PCNX2: variants seen among roughly 807,000 people sequenced by gnomAD.
PCNX2 encodes the protein pecanex-like protein 2.
A neutral mutation model predicts 223.8 loss-of-function variants in PCNX2; 168 were observed. That is an observed-to-expected ratio of 0.75 (90% CI 0.66 to 0.85). The LOEUF is 0.85. Ranked by LOEUF, PCNX2 falls within the 40% of genes least tolerant of loss-of-function variation. The probability of loss-of-function intolerance (pLI) is 0.00; values close to 1 mark genes in which losing one functional copy is unlikely to be tolerated. For synonymous variants in PCNX2, 1,006 were observed against 1,052.6 expected (o/e 0.96, Z 0.86); for missense variants, 2,507 against 2,675.5 (o/e 0.94, Z 1.39).
intron 15 of PCNX2, among the ~76,000 whole-genome samples, chr1:233,189,463 C>A (rs1023388387): frequency 3.9e-5 from 6 of 152,030 alleles, no homozygotes; most frequent in Non-Finnish European, 8.8e-5. Context: ...GTGTGTGATG[C>A]GGAGTAAATT....
intron 21 of PCNX2, chr1:233,112,877 G>C: frequency 1.6e-6 from 2 of 1,288,984 alleles, no homozygotes; most frequent in African/African-American, 1.5e-5. Context: ...AGTTACTAGC[G>C]TGTATTTCAG....
In PCNX2 at chr1:233,058,171, C is replaced by T. The variant is rs1672260351; in HGVS notation, c.4077-881G>A. The T allele has an allele frequency of 1.8e-5, 10 of 549,994 alleles. No individual in the cohort carries two copies. The South Asian group carries it at 6.3e-4, about 35-fold the overall frequency. 34.1% of individuals were successfully genotyped at this position (549,994 alleles called of 1,614,324 possible). On this transcript the variant is annotated intron_variant, in intron 23 of 33. Coordinates refer to ENST00000258229, the MANE Select transcript of PCNX2 (RefSeq NM_014801.4). ...TTGTAAGGCAGCCAGTCCATGACAA[C>T]CCCTGGCTTCTGAGAGTTAGCCGAC...
intron 12 of PCNX2, chr1:233,210,524 C>A: frequency 2.2e-6 from 2 of 926,746 alleles, no homozygotes; most frequent in Non-Finnish European, 1.3e-6. Flanking sequence ...GGTGATCCAC[C>A]CGACTTGGCC....
intron 21 of PCNX2, among the ~76,000 whole-genome samples, chr1:233,120,087 A>T (rs1182522213): frequency 1.3e-5 from 2 of 150,742 alleles, no homozygotes; most frequent in African/African-American, 2.4e-5. Flanking sequence ...GAATCTCTTG[A>T]ACCCGGGAGG....
chr1:232,984,252 A>G lies in PCNX2; in HGVS notation c.*52T>C, dbSNP rs1240031485. 1.3e-6 allele frequency: 2 copies of G among 1,504,230 alleles called. No homozygotes were observed. The highest frequency in any genetic ancestry group is 2.8e-5 in the African/African-American group (2 of 71,858). The allele number at this position is 1,504,230 out of a possible 1,614,324, so 93.2% of individuals were successfully genotyped here. A position where few individuals can be genotyped will look rare whatever the true frequency, so the allele number is the denominator to read the frequency against. On this transcript the variant is annotated 3_prime_UTR_variant, in exon 34 of 34. Coordinates refer to ENST00000258229, the MANE Select transcript of PCNX2 (RefSeq NM_014801.4). Reference sequence around the variant, plus strand: ...GATTTGGGGAGCACGAGGGAGAGCAATGCAGGTGGGAGGTGTGGGGGAGCC... The same window carrying G: ...GATTTGGGGAGCACGAGGGAGAGCAGTGCAGGTGGGAGGTGTGGGGGAGCC...
intron 21 of PCNX2, among the ~76,000 whole-genome samples, chr1:233,124,215 T>G (rs1294607452): frequency 6.6e-6 from 1 of 152,224 alleles, no homozygotes; most frequent in African/African-American, 2.4e-5. Context: ...AATTTAAGTT[T>G]TATCAGAGCA....
At chr1:233,239,518 G>A (rs558347017) in intron 8 of PCNX2, among the ~76,000 whole-genome samples, 3 of 152,012 alleles carry the variant, frequency 2.0e-5, no homozygotes, top group Admixed American at 1.3e-4. Flanking sequence ...GATCTTTTGG[G>A]TCAGTTCTAG....
chr1:233,239,376 C>T (rs945519027), intron 8 of PCNX2, among the ~76,000 whole-genome samples: 3 of 152,144 alleles, frequency 2.0e-5, no homozygotes, highest in Admixed American at 6.5e-5. Flanking sequence ...TCAATCAATA[C>T]ATATCAGCTT....
At position 232,991,493 on chromosome 1, in the gene PCNX2, A is replaced by G. The variant is rs1669697277; in HGVS notation, c.5792-4953T>C. ...GGGCTGAATCATGTTCCCTCCCCAG[A>G]CTCCTCTGTTGAAGCCCTAACCCCC... On this transcript the variant is annotated intron_variant, in intron 32 of 33. Transcript: ENST00000258229. The surrounding 1 kb of genome is among the most constrained non-coding windows in gnomAD (Gnocchi z 4.3). Among the ~76,000 whole-genome samples the G allele has an allele frequency of 2.6e-5, 4 of 151,816 alleles. No individual in the cohort carries two copies. Among genetic ancestry groups the G allele is most frequent in the Admixed American group, 2.6e-4 (4 of 15,248 alleles).
chr1:233,221,390 A>G (rs986314485), intron 10 of PCNX2, among the ~76,000 whole-genome samples: 17 of 152,156 alleles, frequency 1.1e-4, no homozygotes, highest in Non-Finnish European at 1.5e-5. Context: ...CAAAGAAAAA[A>G]AAAACCTTTT....
chr1:232,999,600 T>C (rs1355484280), intron 30 of PCNX2: 1 of 518,028 alleles, frequency 1.9e-6, no homozygotes, highest in Non-Finnish European at 3.4e-6. Flanking sequence ...ATTACAGGCA[T>C]GTGCCAACAC....
the PCNX2 span, among the ~76,000 whole-genome samples, chr1:233,318,563 C>CTTTTTCTTT: frequency 2.3e-4 from 21 of 92,516 alleles, no homozygotes; most frequent in Admixed American, 6.7e-4. Context: ...TTTTCTTTTT[C>CTTTTTCTTT]TTTTTTTTTT....
chr1:232,990,384 G>C lies in PCNX2; in HGVS notation c.5792-3844C>G, dbSNP rs917302830. ...TCAGTGCTAGAGAGCCTTCTGGATA[G>C]TTGAATCACATCTTGGAGGGATTCT... On this transcript the variant is annotated intron_variant, in intron 32 of 33. Coordinates refer to ENST00000258229, the MANE Select transcript of PCNX2 (RefSeq NM_014801.4). This position sits in a 1 kb window ranked among gnomAD's most constrained non-coding sequence, Gnocchi z 4.3. Among the ~76,000 whole-genome samples the C allele has an allele frequency of 5.9e-5, 9 of 152,184 alleles. No homozygotes were observed. The highest frequency in any genetic ancestry group is 2.2e-4 in the African/African-American group (9 of 41,454).
At chr1:233,295,794 G>C (rs867556455), upstream of PCNX2, 29 of 287,834 alleles carry the variant, frequency 1.0e-4, no homozygotes, top group Middle Eastern at 3.0e-3. The surrounding 1 kb of genome is among the most constrained non-coding windows in gnomAD (Gnocchi z 4.1). Flanking sequence ...CCCAACGCCC[G>C]CCCAGTCCCT....
At chr1:233,101,766 T>G (rs746654456) in intron 21 of PCNX2, among the ~76,000 whole-genome samples, 31 of 152,132 alleles carry the variant, frequency 2.0e-4, no homozygotes, top group South Asian at 4.1e-4. Context: ...AACACAGACA[T>G]GGATATAGGT....
At chr1:232,992,837 A>G (rs559957530) in intron 32 of PCNX2, among the ~76,000 whole-genome samples, 1 of 152,294 alleles carries the variant, frequency 6.6e-6, no homozygotes, top group South Asian at 2.1e-4. Flanking sequence ...TGATAGTATT[A>G]AAGTGTGGCA....
chr1:233,169,462 C>A (rs1448320388), intron 17 of PCNX2, among the ~76,000 whole-genome samples: 1 of 151,424 alleles, frequency 6.6e-6, no homozygotes, highest in Admixed American at 6.6e-5. Flanking sequence ...CTGGCTAACA[C>A]GGTGAAACCC....
intron 1 of PCNX2, among the ~76,000 whole-genome samples, chr1:233,271,199 G>A (rs924475651): frequency 6.6e-6 from 1 of 152,102 alleles, no homozygotes; most frequent in Non-Finnish European, 1.5e-5. Context: ...TTGTACTGAG[G>A]TTGTGTTGGA....
chr1:233,284,571 T>G (rs10737196), intron 1 of PCNX2, among the ~76,000 whole-genome samples: 95,773 of 151,844 alleles, frequency 0.63, 30,798 homozygotes, highest in East Asian at 0.83. Flanking sequence ...CAATGATCAC[T>G]GTGTTATTCA....
Sources: gnomAD v4.1 joint callset for allele counts (sites outside exome capture counted in the v4.1 genomes callset) on GRCh38, gnomAD v4.1.1 for gene constraint, Gnocchi (gnomAD v3.1) non-coding constraint, MANE v1.5 for transcripts, NCBI Gene and HGNC (gene_info 2026-07-23, HGNC 2026-07-21) for gene names.